Variants in KLHL41 observed in about 807,000 individuals in gnomAD.
KLHL41 encodes kelch-like protein 41.
A neutral mutation model predicts 49.2 loss-of-function variants in KLHL41; 31 were observed. That is an observed-to-expected ratio of 0.63 (90% CI 0.47 to 0.85). The LOEUF is 0.85. Among genes scored for constraint, KLHL41 ranks in the 40% least tolerant of loss-of-function variants. The probability of loss-of-function intolerance (pLI) is 0.00; values close to 1 mark genes in which losing one functional copy is unlikely to be tolerated. For missense variants in KLHL41, 663 were observed against 726.7 expected (o/e 0.91, Z 1.01); for synonymous variants, 218 against 258.5 (o/e 0.84, Z 1.50).
intron 3 of KLHL41, among the ~76,000 whole-genome samples, chr2:169,515,328 C>T (rs1684100847): frequency 6.6e-6 from 1 of 152,098 alleles, no homozygotes; most frequent in African/African-American, 2.4e-5. Context: ...CCACCACGCC[C>T]GGTCTCTTCC....
chr2:169,517,090 G>A (rs1684128402), intron 3 of KLHL41, among the ~76,000 whole-genome samples: 1 of 152,128 alleles, frequency 6.6e-6, no homozygotes, highest in Admixed American at 6.5e-5. Context: ...CGTGATTTTG[G>A]ATAATGTTCT....
At chr2:169,521,667 A>G (rs1684206523) in intron 5 of KLHL41, among the ~76,000 whole-genome samples, 1 of 152,270 alleles carries the variant, frequency 6.6e-6, no homozygotes, top group Admixed American at 6.5e-5. Context: ...TGCTAGGATT[A>G]CAGGCGTGAG....
intron 5 of KLHL41, among the ~76,000 whole-genome samples, chr2:169,523,698 T>C (rs1159387009): frequency 1.3e-5 from 2 of 152,164 alleles, no homozygotes; most frequent in Non-Finnish European, 2.9e-5. Flanking sequence ...GCAATTAAGT[T>C]TGAGAACCTG....
intron 1 of KLHL41, 45 bp from the exon 2 acceptor site, chr2:169,514,529 T>C (rs772516360): frequency 2.9e-5 from 45 of 1,560,244 alleles, no homozygotes; most frequent in Non-Finnish European, 3.7e-5. Flanking sequence ...TACTTCTAAT[T>C]TTTTTCTAAC....
At position 169,510,931 on chromosome 2, in the gene KLHL41, C is replaced by CT. The variant is rs765738453; in HGVS notation, c.1110+44dup. The CT allele has an allele frequency of 5.3e-6, 8 of 1,512,846 alleles. No homozygotes were observed. The highest frequency in any genetic ancestry group is 1.7e-4 in the Middle Eastern group (1 of 5,762). 93.7% of individuals were successfully genotyped at this position (1,512,846 alleles called of 1,614,324 possible). ...TATATGTAGTTGCTTAAAGGGAAGG[C>CT]TGTTACTCACCATCCAGTTAGCCAA... is the stretch of plus-strand genomic sequence containing the variant. On this transcript the variant is annotated intron_variant, in intron 1 of 5. Coordinates refer to ENST00000284669, the MANE Select transcript of KLHL41 (RefSeq NM_006063.3). The surrounding 1 kb of genome is among the most constrained non-coding windows in gnomAD (Gnocchi z 4.2).
In KLHL41 at chr2:169,518,333, G is replaced by A; in HGVS notation, c.1520G>A (p.Gly507Asp). The A allele has an allele frequency of 6.2e-7, 1 of 1,613,772 alleles. No individual in the cohort carries two copies. The highest frequency in any genetic ancestry group is 8.5e-7 in the Non-Finnish European group (1 of 1,179,844). Residue 507 changes from glycine to aspartate, a missense_variant, in exon 4 of 6, where the codon GGT becomes GAT. Gly to Asp is a moderately conservative substitution (Grantham distance 94). Around this residue, in one of 3 missense-constraint regions of KLHL41, gnomAD observed 528 missense variants for 581.0 expected, o/e 0.91. Transcript: ENST00000284669. ...ATTGCAGGAGGTGTCACTGAAGATG[G>A]TCTTTCAGCTTCAGTTGAAGCTTTT... ...IVIAGGVTEDGLSASVEAFDL... is the reference protein window; with the variant it reads ...IVIAGGVTEDDLSASVEAFDL...
intron 3 of KLHL41, 131 bp downstream of exon 3, chr2:169,515,092 G>T (rs1684093473): frequency 3.6e-6 from 2 of 561,556 alleles, no homozygotes; most frequent in South Asian, 2.4e-5. Flanking sequence ...GGAGTGCAGT[G>T]GTGTGATCTC....
rs752977858 is a variant in KLHL41, at chr2:169,514,563, G to GT, written c.1111-4dup. 6.2e-6 allele frequency: 10 copies of GT among 1,602,088 alleles called. No homozygotes were observed. In the East Asian group the frequency reaches 2.0e-4, roughly 32 times the overall value. On this transcript the variant is annotated splice_polypyrimidine_tract_variant and intron_variant, in intron 1 of 5. Transcript: ENST00000284669. ...ACAGGCTCCACAATCTCTCATATAT[G>GT]TTTTTTTCAGCTCGATAGCATAGCA...
chr2:169,520,144 G>T (rs990258441), intron 4 of KLHL41, among the ~76,000 whole-genome samples: 1 of 143,558 alleles, frequency 7.0e-6, no homozygotes, highest in African/African-American at 2.6e-5. Flanking sequence ...ATACCACCAG[G>T]CCTAGCTCTG....
intron 1 of KLHL41, among the ~76,000 whole-genome samples, chr2:169,511,173 G>A (rs1212434797): frequency 6.6e-6 from 1 of 152,036 alleles, no homozygotes; most frequent in African/African-American, 2.4e-5. Flanking sequence ...ATAGATGATC[G>A]TGACTGTAAT....
Position 169,509,920 on chromosome 2 carries a change from A to G in KLHL41, c.142A>G (p.Arg48Gly), listed in dbSNP as rs770503939. ...KAGDKSLPCH[R>G]LILSACSPYF... is the part of the protein sequence containing the mutation. The stretch of plus-strand genomic sequence containing the variant: ...AGGTGACAAAAGTCTTCCTTGCCAC[A>G]GATTGATTTTGTCAGCTTGTAGTCC... Residue 48 changes from arginine to glycine, a missense_variant, in exon 1 of 6, where the codon AGA becomes GGA. Around this residue, in one of 3 missense-constraint regions of KLHL41, gnomAD observed 129 missense variants for 122.1 expected, o/e 1.06. Coordinates refer to ENST00000284669, the MANE Select transcript of KLHL41 (RefSeq NM_006063.3). 1.2e-6 allele frequency: 2 copies of G among 1,614,186 alleles called. No homozygotes were observed. Among genetic ancestry groups the G allele is most frequent in the East Asian group, 2.2e-5 (1 of 44,888 alleles).
At chr2:169,524,023 T>A (rs894260296) in intron 5 of KLHL41, among the ~76,000 whole-genome samples, 2 of 151,760 alleles carry the variant, frequency 1.3e-5, no homozygotes, top group African/African-American at 4.9e-5. Context: ...AAAAAAAAAA[T>A]TCCATTCTTG....
chr2:169,509,908 C>A lies in KLHL41; in HGVS notation c.130C>A (p.Leu44Ile). Residue 44 changes from leucine to isoleucine, a missense_variant, in exon 1 of 6, where the codon CTT becomes ATT. This residue lies in a region of KLHL41 where 129 missense variants were observed against 122.1 expected (regional missense o/e 1.06). Transcript: ENST00000284669. ...CACCCTAAAAGCAGGTGACAAAAGT[C>A]TTCCTTGCCACAGATTGATTTTGTC... ...DCTLKAGDKSLPCHRLILSAC... is the reference protein window; with the variant it reads ...DCTLKAGDKSIPCHRLILSAC... 6.2e-7 allele frequency: 1 copy of A among 1,614,136 alleles called. No individual in the cohort carries two copies. The highest frequency in any genetic ancestry group is 1.1e-5 in the South Asian group (1 of 91,074).
At chr2:169,517,530 G>A (rs896292040) in intron 3 of KLHL41, among the ~76,000 whole-genome samples, 1 of 152,082 alleles carries the variant, frequency 6.6e-6, no homozygotes, top group Non-Finnish European at 1.5e-5. Flanking sequence ...CTTGAGCCCT[G>A]GATGCGGAGG....
chr2:169,520,820 T>C, intron 4 of KLHL41, 41 bp from the exon 5 acceptor site: 1 of 1,452,070 alleles, frequency 6.9e-7, no homozygotes, highest in East Asian at 2.3e-5. Context: ...ATCTGGCATT[T>C]CTTTAAGTTT....
rs550333896 is a variant in KLHL41 at position 169,520,939 on chromosome 2, T to G, written c.1641T>G (p.Ile547Met). The G allele has an allele frequency of 8.7e-6, 14 of 1,613,804 alleles. No homozygotes were observed. Among genetic ancestry groups the G allele is most frequent in the South Asian group, 1.1e-5 (1 of 91,086 alleles). ...GCCTGGCTGGATCTCTGTATGCAAT[T>G]GGTGGTTTTGCTATGATTCAACTGG... ...LVSLAGSLYA[I>M]GGFAMIQLES... The change falls in exon 5 of 6, where the codon ATT (isoleucine) becomes ATG (methionine). Residue 547 changes from isoleucine to methionine, a missense_variant. Ile to Met is a conservative substitution (Grantham distance 10, BLOSUM62 1). Coordinates refer to ENST00000284669, the MANE Select transcript of KLHL41 (RefSeq NM_006063.3).
Position 169,520,801 on chromosome 2 carries a change from A to T in KLHL41, c.1563-60A>T, listed in dbSNP as rs1472582639. 3.8e-6 allele frequency: 5 copies of T among 1,301,642 alleles called. No homozygotes were observed. The African/African-American group carries it at 4.5e-5, about 12-fold the overall frequency. The allele number at this position is 1,301,642 out of a possible 1,614,324, so 80.6% of individuals were successfully genotyped here. A position where few individuals can be genotyped will look rare whatever the true frequency, so the allele number is the denominator to read the frequency against. On this transcript the variant is annotated intron_variant, in intron 4 of 5. Transcript: ENST00000284669. ...AAATTATTATTTCCTATAATTATTC[A>T]GTAAGTACATCTGGCATTTCTTTAA...
chr2:169,511,164 T>C (rs1056116465), intron 1 of KLHL41, among the ~76,000 whole-genome samples: 1 of 152,226 alleles, frequency 6.6e-6, no homozygotes, highest in Admixed American at 6.5e-5. Flanking sequence ...GCCTTGTTTA[T>C]AGATGATCGT....
chr2:169,515,849 T>C (rs181499889), intron 3 of KLHL41, among the ~76,000 whole-genome samples: 3 of 152,324 alleles, frequency 2.0e-5, no homozygotes, highest in Admixed American at 2.0e-4. Flanking sequence ...AGAGGTAATA[T>C]TCAAAATGGC....
Sources: allele counts gnomAD v4.1 joint callset (sites outside exome capture counted in the v4.1 genomes callset), GRCh38; gene constraint gnomAD v4.1.1; regional missense constraint gnomAD v4.1.1; non-coding constraint Gnocchi (gnomAD v3.1); transcripts MANE v1.5; gene names NCBI Gene and HGNC (gene_info 2026-07-23, HGNC 2026-07-21).